Variants in ANKRD36C observed in about 807,000 individuals in gnomAD.
ANKRD36C encodes ankyrin repeat domain 36C.
A neutral mutation model predicts 276.4 loss-of-function variants in ANKRD36C; 61 were observed. The observed-to-expected ratio is 0.22, with a 90% CI of 0.18 to 0.27. ANKRD36C has a LOEUF of 0.27. Among genes scored for constraint, ANKRD36C ranks in the 10% least tolerant of loss-of-function variants. The probability of loss-of-function intolerance (pLI) is 1.00; values close to 1 mark genes in which losing one functional copy is unlikely to be tolerated. For missense variants in ANKRD36C, 1,447 were observed against 2,032.3 expected (o/e 0.71, Z 5.54); for synonymous variants, 483 against 680.1 (o/e 0.71, Z 4.51).
At position 95,903,239 on chromosome 2, in the gene ANKRD36C, A is replaced by G. The variant is rs368814705; in HGVS notation, c.2654-3903T>C. On this transcript the variant is annotated intron_variant, in intron 42 of 66. Transcript: ENST00000456556. The stretch of plus-strand genomic sequence containing the variant: ...GTCTGGGGACTAGAACATGACGGAA[A>G]TATGCTGAGAAAAGGGAATACAGGC... Among the ~76,000 whole-genome samples the G allele has an allele frequency of 2.7e-5, 4 of 150,796 alleles. No homozygotes were observed. In the East Asian group the frequency reaches 5.9e-4, roughly 22 times the overall value.
chr2:95,982,282 AT>A lies in ANKRD36C; in HGVS notation c.566del (p.Asn189IlefsTer2). The A allele has an allele frequency of 6.5e-7, 1 of 1,549,964 alleles. No homozygotes were observed. Among genetic ancestry groups the A allele is most frequent in the Non-Finnish European group, 8.7e-7 (1 of 1,145,880 alleles). ...TGCCAAGATAATCAACGGCATTTAT[AT>A]TTGCTTTTTTCTTTAATAAAAATTC... On this transcript the variant is annotated frameshift_variant, in exon 4 of 67. Transcript: ENST00000456556. LOFTEE classifies it high-confidence loss of function.
chr2:95,919,327 A>C (rs1227352222), intron 34 of ANKRD36C, among the ~76,000 whole-genome samples: 1 of 133,128 alleles, frequency 7.5e-6, no homozygotes, highest in East Asian at 2.7e-4. Flanking sequence ...CAGTGTCTAT[A>C]GGTTATTAAT....
chr2:95,887,365 G>A (rs1477131886), intron 50 of ANKRD36C, among the ~76,000 whole-genome samples: 6 of 150,758 alleles, frequency 4.0e-5, no homozygotes, highest in Non-Finnish European at 7.4e-5. Context: ...ATGCAAATAC[G>A]CTAAATGCCT....
intron 6 of ANKRD36C, among the ~76,000 whole-genome samples, chr2:95,963,385 T>C (rs1294849129): frequency 6.6e-6 from 1 of 152,012 alleles, no homozygotes. Context: ...GATTCAACAT[T>C]ATTTTTGTTT....
chr2:95,925,622 G>GTAA, intron 28 of ANKRD36C, 75 bp from the exon 29 acceptor site: 1 of 1,415,382 alleles, frequency 7.1e-7, no homozygotes. Flanking sequence ...TGCAGTGTTA[G>GTAA]CATCAAGCTG....
At chr2:95,929,007 T>C (rs917535038) in intron 26 of ANKRD36C, 65 bp downstream of exon 26, 19 of 1,591,084 alleles carry the variant, frequency 1.2e-5, no homozygotes, top group Non-Finnish European at 1.6e-5. Flanking sequence ...ACTGATTTAT[T>C]TGGGGAAGGG....
At chr2:95,894,935 C>G (rs923537287) in intron 44 of ANKRD36C, among the ~76,000 whole-genome samples, 2 of 150,346 alleles carry the variant, frequency 1.3e-5, no homozygotes, top group African/African-American at 4.9e-5. Context: ...ACCTTCCTGC[C>G]TCACAATCCG....
intron 44 of ANKRD36C, among the ~76,000 whole-genome samples, chr2:95,895,825 C>T (rs1053043427): frequency 1.2e-4 from 18 of 150,912 alleles, no homozygotes; most frequent in Admixed American, 1.1e-3. Flanking sequence ...TGTCATGTGT[C>T]GAAACCCAAA....
At chr2:95,887,235 G>A (rs1265585606) in intron 50 of ANKRD36C, among the ~76,000 whole-genome samples, 3 of 151,582 alleles carry the variant, frequency 2.0e-5, no homozygotes, top group South Asian at 2.1e-4. Flanking sequence ...TCAACAAAAC[G>A]TGTAAGTCTG....
chr2:95,917,554 T>C (rs564160674), intron 36 of ANKRD36C, among the ~76,000 whole-genome samples: 1 of 151,658 alleles, frequency 6.6e-6, no homozygotes, highest in South Asian at 2.1e-4. Context: ...AACCATGCTG[T>C]AGAATTAAAG....
chr2:95,902,721 G>A (rs982864343), intron 42 of ANKRD36C, among the ~76,000 whole-genome samples, 165 bp downstream of exon 54: 1 of 150,258 alleles, frequency 6.7e-6, no homozygotes, highest in African/African-American at 2.4e-5. Flanking sequence ...TCATGTTCCA[G>A]ACCAGCATCA....
At chr2:95,925,752 G>C (rs1311753021) in intron 28 of ANKRD36C, among the ~76,000 whole-genome samples, 6 of 151,450 alleles carry the variant, frequency 4.0e-5, no homozygotes. Context: ...TATACAGTCA[G>C]AAATTACAAA....
chr2:95,894,017 A>T (rs903451717), intron 44 of ANKRD36C, among the ~76,000 whole-genome samples: 3 of 151,498 alleles, frequency 2.0e-5, no homozygotes, highest in African/African-American at 7.3e-5. Context: ...GATGAGAACA[A>T]ATGTGATCTA....
intron 17 of ANKRD36C, among the ~76,000 whole-genome samples, chr2:95,946,003 C>T (rs1678036841): frequency 6.6e-6 from 1 of 152,110 alleles, no homozygotes; most frequent in Non-Finnish European, 1.5e-5. Flanking sequence ...TACTGGTTAG[C>T]ATTTACTCGA....
intron 36 of ANKRD36C, among the ~76,000 whole-genome samples, chr2:95,916,794 G>C (rs1677110889): frequency 6.6e-6 from 1 of 151,608 alleles, no homozygotes; most frequent in Admixed American, 6.6e-5. Flanking sequence ...GGATCCACTA[G>C]TTTAGCCTTC....
At chr2:95,916,253 C>A (rs753958232) in intron 36 of ANKRD36C, 82 bp from the exon 39 acceptor site, 2 of 1,577,612 alleles carry the variant, frequency 1.3e-6, no homozygotes, top group Non-Finnish European at 8.6e-7. Context: ...TTAGCATCAA[C>A]CTCTGAACTC....
At chr2:95,875,328 C>T (rs1236038993) in intron 59 of ANKRD36C, among the ~76,000 whole-genome samples, 1 of 151,992 alleles carries the variant, frequency 6.6e-6, no homozygotes, top group African/African-American at 2.4e-5. Context: ...GACACATATA[C>T]ACCATGGAAT....
intron 16 of ANKRD36C, among the ~76,000 whole-genome samples, chr2:95,949,701 C>T (rs1678146048): frequency 6.6e-6 from 1 of 152,272 alleles, no homozygotes; most frequent in Non-Finnish European, 1.5e-5. Context: ...CTCTGATTTA[C>T]TGTATCCAAA....
At chr2:95,954,179 C>T (rs1304763599) in intron 13 of ANKRD36C, among the ~76,000 whole-genome samples, 174 bp from the exon 14 acceptor site, 2 of 152,296 alleles carry the variant, frequency 1.3e-5, no homozygotes, top group Admixed American at 6.5e-5. Flanking sequence ...ATATGGCTTC[C>T]GTTTTAGAAA....
Sources: allele counts gnomAD v4.1 joint callset (sites outside exome capture counted in the v4.1 genomes callset), GRCh38; gene constraint gnomAD v4.1.1; transcripts MANE v1.5; gene names NCBI Gene and HGNC (gene_info 2026-07-23, HGNC 2026-07-21).